Variants in BYSL observed in about 807,000 individuals in gnomAD.
BYSL encodes bystin.
A neutral mutation model predicts 45.4 loss-of-function variants in BYSL; 21 were observed. The ratio of observed to expected loss-of-function variants is 0.46; its 90% CI spans 0.33 to 0.67. BYSL has a LOEUF of 0.67. Ranked by LOEUF, BYSL falls within the 30% of genes least tolerant of loss-of-function variation. The pLI is 0.02. For synonymous variants in BYSL, 215 were observed against 231.3 expected (o/e 0.93, Z 0.64); for missense variants, 522 against 578.5 (o/e 0.90, Z 1.00).
At chr6:41,929,394 A>G (rs1386781848) in intron 2 of BYSL, among the ~76,000 whole-genome samples, 2 of 152,176 alleles carry the variant, frequency 1.3e-5, no homozygotes, top group African/African-American at 2.4e-5. Flanking sequence ...GCTACTCGAG[A>G]GACTGAGGCG....
chr6:41,915,163 G>A, the BYSL span, among the ~76,000 whole-genome samples: 1 of 152,208 alleles, frequency 6.6e-6, no homozygotes, highest in Non-Finnish European at 1.5e-5. Flanking sequence ...GCCAGGCATG[G>A]TGGCTCATGC....
At chr6:41,929,385 C>T (rs1170865769) in intron 2 of BYSL, among the ~76,000 whole-genome samples, 1 of 152,164 alleles carries the variant, frequency 6.6e-6, no homozygotes, top group Non-Finnish European at 1.5e-5. Flanking sequence ...GTGGTCCCAG[C>T]TACTCGAGAG....
intron 1 of BYSL, 121 bp downstream of exon 1, chr6:41,921,951 C>G: frequency 3.7e-6 from 5 of 1,364,630 alleles, no homozygotes; most frequent in Non-Finnish European, 4.9e-6. Flanking sequence ...ATTACACTTG[C>G]AAAGGAGACT....
At chr6:41,931,219 T>C (rs1371576162) in intron 4 of BYSL, among the ~76,000 whole-genome samples, 177 bp from the exon 5 acceptor site, 1 of 120,276 alleles carries the variant, frequency 8.3e-6, no homozygotes, top group African/African-American at 3.3e-5. Context: ...GCCCCTCCTA[T>C]TCTCTCTCTA....
At chr6:41,923,013 G>A (rs1208960048) in intron 1 of BYSL, among the ~76,000 whole-genome samples, 1 of 152,132 alleles carries the variant, frequency 6.6e-6, no homozygotes, top group Non-Finnish European at 1.5e-5. Context: ...TGCCTTCAAA[G>A]TGTATCCAAA....
intron 1 of BYSL, among the ~76,000 whole-genome samples, chr6:41,924,500 T>C (rs1775536922): frequency 1.3e-5 from 2 of 152,232 alleles, no homozygotes; most frequent in Non-Finnish European, 2.9e-5. Context: ...ATGTAAGCTG[T>C]ATAGAACAAA....
At position 41,927,471 on chromosome 6, in the gene BYSL, G is replaced by C; in HGVS notation, c.366G>C (p.Glu122Asp). ...ATMTAAGHHA[E>D]VVVDPEDERA... is the part of the protein sequence containing the mutation. The stretch of plus-strand genomic sequence containing the variant: ...TGACAGCAGCGGGCCATCATGCAGA[G>C]GTGGTTGTGGACCCTGAGGATGAGC... Residue 122 changes from glutamate to aspartate, a missense_variant, in exon 2 of 7, where the codon GAG (glutamate) becomes GAC (aspartate). By Grantham distance (45) the Glu-to-Asp change is conservative. Coordinates refer to ENST00000230340, the MANE Select transcript of BYSL (RefSeq NM_004053.4). 6.2e-7 allele frequency: 1 copy of C among 1,614,198 alleles called. No individual in the cohort carries two copies. The highest frequency in any genetic ancestry group is 8.5e-7 in the Non-Finnish European group (1 of 1,180,020).
At chr6:41,917,022 G>A (rs1775332570), upstream of BYSL, 4 of 1,420,396 alleles carry the variant, frequency 2.8e-6, no homozygotes, top group Non-Finnish European at 3.9e-6. Context: ...CAGCATCACA[G>A]CTCATCAGGG....
chr6:41,915,355 A>G, the BYSL span, among the ~76,000 whole-genome samples: 2 of 152,150 alleles, frequency 1.3e-5, no homozygotes, highest in African/African-American at 4.8e-5. Context: ...TCAGCCAGGC[A>G]TGGTGGCACA....
intron 1 of BYSL, 103 bp from the exon 2 acceptor site, chr6:41,927,271 C>A: frequency 7.1e-7 from 1 of 1,411,930 alleles, no homozygotes; most frequent in African/African-American, 1.4e-5. Flanking sequence ...GCGTCTATCA[C>A]AACCACATGT....
chr6:41,922,981 T>C (rs566009672), intron 1 of BYSL, among the ~76,000 whole-genome samples: 1 of 152,264 alleles, frequency 6.6e-6, no homozygotes, highest in South Asian at 2.1e-4. Context: ...ACATCTGATC[T>C]GTAAGGAAAT....
rs774059290 is a variant in BYSL at position 41,921,549 on chromosome 6, C to G, written c.-14C>G. On this transcript the variant is annotated 5_prime_UTR_variant, in exon 1 of 7. Coordinates refer to ENST00000230340, the MANE Select transcript of BYSL (RefSeq NM_004053.4). The stretch of plus-strand genomic sequence containing the variant: ...CCCCACGTGCGATCCTTCCCGGCAA[C>G]TTTTTCGAGAAAAATGCCCAAATTC... The G allele has an allele frequency of 1.9e-6, 3 of 1,554,488 alleles. No individual in the cohort carries two copies. Among genetic ancestry groups the G allele is most frequent in the East Asian group, 2.3e-5 (1 of 44,030 alleles).
rs780032351 is a variant in BYSL, at chr6:41,930,205, G to A, written c.505G>A (p.Val169Met). ...QTEVETVMSE[V>M]SGFPMPQLDP... is the part of the protein sequence containing the mutation. The stretch of plus-strand genomic sequence containing the variant: ...AGAGGTTGAGACAGTCATGTCAGAG[G>A]TGTCGGGCTTCCCTATGCCCCAGCT... The change falls in exon 3 of 7, where the codon GTG becomes ATG. Residue 169 changes from valine (V) to methionine (M), a missense_variant. Coordinates refer to ENST00000230340, the MANE Select transcript of BYSL (RefSeq NM_004053.4). 1 of 1,614,218 alleles carries A rather than the reference G, an allele frequency of 6.2e-7. No individual in the cohort carries two copies. Among genetic ancestry groups the A allele is most frequent in the Non-Finnish European group, 8.5e-7 (1 of 1,180,038 alleles).
At chr6:41,913,965 A>G in the BYSL span, among the ~76,000 whole-genome samples, 1 of 152,342 alleles carries the variant, frequency 6.6e-6, no homozygotes, top group South Asian at 2.1e-4. Flanking sequence ...TTAGCACAAC[A>G]TGAGGAGAGA....
rs139719044 is a variant in BYSL, at chr6:41,929,757, T to A, written c.432-375T>A. ...CATTAATCTTTTAAGGTGGGTACCGTTATTATCCCTATTTTACAAATGAGG... is the reference window on the plus strand; with the variant it reads ...CATTAATCTTTTAAGGTGGGTACCGATATTATCCCTATTTTACAAATGAGG... On this transcript the variant is annotated intron_variant, in intron 2 of 6. Coordinates refer to ENST00000230340, the MANE Select transcript of BYSL (RefSeq NM_004053.4). Among the ~76,000 whole-genome samples the A allele has an allele frequency of 2.8e-3, 427 of 152,314 alleles. 3 individuals are homozygous for A. The highest frequency in any genetic ancestry group is 9.8e-3 in the African/African-American group (408 of 41,572).
At chr6:41,913,894 G>A in the BYSL span, among the ~76,000 whole-genome samples, 62 of 151,766 alleles carry the variant, frequency 4.1e-4, no homozygotes, top group Admixed American at 1.4e-3. Flanking sequence ...ACAAAACTCC[G>A]TCTCAAAAAA....
At chr6:41,913,173 T>G in the BYSL span, 1 of 151,528 alleles carries the variant, frequency 6.6e-6, no homozygotes, top group Non-Finnish European at 1.5e-5. Context: ...AACTACTAAG[T>G]CAGAAACTTT....
Position 41,932,543 on chromosome 6 carries a change from C to T in BYSL, c.1151C>T (p.Thr384Ile). Residue 384 changes from threonine to isoleucine, a missense_variant, in exon 7 of 7, where the codon ACT (threonine) becomes ATT (isoleucine). By Grantham distance (89) the Thr-to-Ile change is moderately conservative (BLOSUM62 -1). Transcript: ENST00000230340. This position sits in a 1 kb window ranked among gnomAD's most constrained non-coding sequence, Gnocchi z 4.7. ...GTGCTGTGGCACCAGTGCCTCCTGA[C>T]TTTGGTCCAGCGCTACAAGGCCGAC... ...LPVLWHQCLL[T>I]LVQRYKADLA... 3.7e-6 allele frequency: 6 copies of T among 1,614,232 alleles called. No individual in the cohort carries two copies. The highest frequency in any genetic ancestry group is 4.2e-6 in the Non-Finnish European group (5 of 1,180,052).
upstream of BYSL, chr6:41,921,128 C>G (rs1202418576): frequency 7.1e-7 from 1 of 1,410,720 alleles, no homozygotes; most frequent in Middle Eastern, 1.8e-4. Context: ...TCAGAAGGGA[C>G]TCCGGAAATA....
Sources: gnomAD v4.1 joint callset for allele counts (sites outside exome capture counted in the v4.1 genomes callset) on GRCh38, gnomAD v4.1.1 for gene constraint, Gnocchi (gnomAD v3.1) non-coding constraint, MANE v1.5 for transcripts, NCBI Gene and HGNC (gene_info 2026-07-23, HGNC 2026-07-21) for gene names.